KCNQ5: variants seen among roughly 807,000 people sequenced by gnomAD.
KCNQ5 encodes the protein potassium voltage-gated channel subfamily KQT member 5.
A neutral mutation model predicts 98.2 loss-of-function variants in KCNQ5; 30 were observed. The ratio of observed to expected loss-of-function variants is 0.31; its 90% CI spans 0.23 to 0.41. The LOEUF is 0.41. KCNQ5 is among the 10% of genes least tolerant of loss of function. The pLI is 1.00. For missense variants in KCNQ5, 835 were observed against 1,182.5 expected (o/e 0.71, Z 4.31); for synonymous variants, 458 against 449.4 (o/e 1.02, Z -0.24).
At chr6:72,800,340 TG>T (rs1203949785) in intron 1 of KCNQ5, among the ~76,000 whole-genome samples, 7 of 152,224 alleles carry the variant, frequency 4.6e-5, no homozygotes, top group African/African-American at 1.7e-4. Flanking sequence ...AATTTCTTCC[TG>T]GTTTAGTCTT....
At chr6:72,631,395 A>T (rs1459403989) in intron 1 of KCNQ5, among the ~76,000 whole-genome samples, 1 of 152,268 alleles carries the variant, frequency 6.6e-6, no homozygotes, top group Non-Finnish European at 1.5e-5. Flanking sequence ...TTAATTGATA[A>T]GCAAAGGAAA....
chr6:72,713,288 C>T (rs1769467297), intron 1 of KCNQ5, among the ~76,000 whole-genome samples: 1 of 152,140 alleles, frequency 6.6e-6, no homozygotes, highest in South Asian at 2.1e-4. Flanking sequence ...TGACTCTTTC[C>T]TTTTCTTCCT....
chr6:73,104,513 A>C (rs1011754817), intron 5 of KCNQ5, among the ~76,000 whole-genome samples: 2 of 152,148 alleles, frequency 1.3e-5, no homozygotes, highest in African/African-American at 2.4e-5. Context: ...ACTTTTCAGA[A>C]TCTACTCTAT....
chr6:72,748,771 C>T (rs145437040), intron 1 of KCNQ5, among the ~76,000 whole-genome samples: 122 of 152,222 alleles, frequency 8.0e-4, no homozygotes, highest in African/African-American at 2.7e-3. Context: ...TGGTGCTGTA[C>T]CAGGCAAACT....
intron 1 of KCNQ5, among the ~76,000 whole-genome samples, chr6:72,790,541 G>A (rs150069611): frequency 0.013 from 2,047 of 152,210 alleles, 26 homozygotes; most frequent in Non-Finnish European, 0.023. Context: ...AGAGAAGTGG[G>A]GATGGTTAAT....
At chr6:72,907,603 A>G (rs1311700915) in intron 1 of KCNQ5, among the ~76,000 whole-genome samples, 1 of 152,162 alleles carries the variant, frequency 6.6e-6, no homozygotes, top group Admixed American at 6.5e-5. Context: ...CTCCTAGGCT[A>G]TCTCCTTTTC....
chr6:72,995,297 G>A (rs1282663159), intron 1 of KCNQ5, among the ~76,000 whole-genome samples: 1 of 151,496 alleles, frequency 6.6e-6, no homozygotes, highest in Non-Finnish European at 1.5e-5. Context: ...GAACCCAGGA[G>A]GTGGACTTTG....
chr6:73,158,142 T>TGCGGGGGAGGGG, intron 10 of KCNQ5: 1 of 378,784 alleles, frequency 2.6e-6, no homozygotes, highest in Non-Finnish European at 5.1e-6. Context: ...TTGCTCCTGG[T>TGCGGGGGAGGGG]GCGGGGGAGG....
At chr6:72,641,405 A>G (rs1435331598) in intron 1 of KCNQ5, among the ~76,000 whole-genome samples, 1 of 152,150 alleles carries the variant, frequency 6.6e-6, no homozygotes, top group African/African-American at 2.4e-5. Context: ...CAGACATTCA[A>G]ATAAGCAGAA....
chr6:72,654,210 G>A lies in KCNQ5; in HGVS notation c.398+31623G>A, dbSNP rs1766025215. Among the ~76,000 whole-genome samples, 3 of 152,088 alleles carry A rather than the reference G, an allele frequency of 2.0e-5. No homozygotes were observed. In the South Asian group the frequency reaches 6.2e-4, roughly 32 times the overall value. The stretch of plus-strand genomic sequence containing the variant: ...TGGAATAGAAGGAAACTGGAGTTGG[G>A]GGAGGGAACTGGAAGAGTGTTGGGG... On this transcript the variant is annotated intron_variant, in intron 1 of 13. Transcript: ENST00000370398.
rs141064404 is a variant in KCNQ5 at position 72,983,764 on chromosome 6, T to C, written c.399-20144T>C. On this transcript the variant is annotated intron_variant, in intron 1 of 13. Coordinates refer to ENST00000370398, the MANE Select transcript of KCNQ5 (RefSeq NM_019842.4). ...GGAGGAGAAGAGGCACTCTGCTTTT[T>C]AGAATTTTCAGCTTTTCTGTTCTTG... Among the ~76,000 whole-genome samples, 9 of 140,242 alleles carry C rather than the reference T, an allele frequency of 6.4e-5. No homozygotes were observed. In the East Asian group the frequency reaches 1.7e-3, roughly 26 times the overall value. 92.0% of individuals were successfully genotyped at this position (140,242 alleles called of 152,430 possible). A position where few individuals can be genotyped will look rare whatever the true frequency, so the allele number is the denominator to read the frequency against.
Position 72,872,988 on chromosome 6 carries a change from C to T in KCNQ5, c.399-130920C>T, listed in dbSNP as rs543771249. Among the ~76,000 whole-genome samples the T allele has an allele frequency of 9.9e-5, 15 of 152,216 alleles. 1 individual carries two copies. Among genetic ancestry groups the T allele is most frequent in the African/African-American group, 3.6e-4 (15 of 41,554 alleles). ...CAGAAAGCTATGCATGATTTTTCTGCTCTAAAAGTGTCCAGAAATGAGAGT... is the reference window on the plus strand; with the variant it reads ...CAGAAAGCTATGCATGATTTTTCTGTTCTAAAAGTGTCCAGAAATGAGAGT... On this transcript the variant is annotated intron_variant, in intron 1 of 13. Coordinates refer to ENST00000370398, the MANE Select transcript of KCNQ5 (RefSeq NM_019842.4).
intron 1 of KCNQ5, among the ~76,000 whole-genome samples, chr6:72,784,691 A>T (rs563746104): frequency 6.6e-6 from 1 of 152,270 alleles, no homozygotes; most frequent in South Asian, 2.1e-4. Flanking sequence ...CATTCCAGTC[A>T]AGTGGCAAAG....
At chr6:72,909,866 A>G (rs747800517) in intron 1 of KCNQ5, among the ~76,000 whole-genome samples, 1 of 152,238 alleles carries the variant, frequency 6.6e-6, no homozygotes, top group Non-Finnish European at 1.5e-5. Context: ...AAGTGAGATT[A>G]AAGATTTTGG....
intron 1 of KCNQ5, among the ~76,000 whole-genome samples, chr6:72,985,144 T>C (rs1440910368): frequency 6.6e-6 from 1 of 152,180 alleles, no homozygotes; most frequent in East Asian, 1.9e-4. Context: ...TGTTCAAGGC[T>C]GCAGTGAGCT....
chr6:72,702,167 CT>C, intron 1 of KCNQ5, among the ~76,000 whole-genome samples: 1 of 152,316 alleles, frequency 6.6e-6, no homozygotes, highest in African/African-American at 2.4e-5. Context: ...CTTAGCCCAT[CT>C]TCTTAATTTG....
intron 5 of KCNQ5, among the ~76,000 whole-genome samples, chr6:73,089,632 C>T (rs1404498059): frequency 3.3e-5 from 5 of 152,138 alleles, no homozygotes; most frequent in African/African-American, 1.2e-4. Flanking sequence ...CATAGTTTAG[C>T]TCCCACCTAT....
chr6:72,820,894 G>A (rs778000872), intron 1 of KCNQ5, among the ~76,000 whole-genome samples: 15 of 152,198 alleles, frequency 9.9e-5, no homozygotes, highest in African/African-American at 2.9e-4. Context: ...TATGTTCATC[G>A]TGTACTTGCT....
chr6:73,119,470 G>T (rs974652378), intron 7 of KCNQ5, among the ~76,000 whole-genome samples: 3 of 152,198 alleles, frequency 2.0e-5, no homozygotes, highest in African/African-American at 7.2e-5. Context: ...GAAATGGAGA[G>T]AGTTGATGTT....
Sources: allele counts gnomAD v4.1 joint callset (sites outside exome capture counted in the v4.1 genomes callset), GRCh38; gene constraint gnomAD v4.1.1; transcripts MANE v1.5; gene names NCBI Gene and HGNC (gene_info 2026-07-23, HGNC 2026-07-21).